Variants in SYT1 observed in about 807,000 individuals in gnomAD.
SYT1 encodes synaptotagmin-1.
SYT1 carries 8 observed loss-of-function variants against 44.8 expected under a neutral mutation model. That is an observed-to-expected ratio of 0.18 (90% CI 0.10 to 0.32). SYT1 has a LOEUF of 0.32. Ranked by LOEUF, SYT1 falls within the 10% of genes least tolerant of loss-of-function variation. The pLI, the probability that SYT1 is intolerant of heterozygous loss-of-function variation, is 1.00. For synonymous variants in SYT1, 154 were observed against 188.8 expected (o/e 0.82, Z 1.51); for missense variants, 286 against 509.3 (o/e 0.56, Z 4.22).
At chr12:79,183,376 G>A (rs548821651) in intron 3 of SYT1, among the ~76,000 whole-genome samples, 1 of 152,128 alleles carries the variant, frequency 6.6e-6, no homozygotes. Flanking sequence ...TTCTCAACCA[G>A]GGATGATACT....
chr12:79,325,303 G>A (rs1881561116), intron 8 of SYT1, among the ~76,000 whole-genome samples: 1 of 152,134 alleles, frequency 6.6e-6, no homozygotes, highest in African/African-American at 2.4e-5. Flanking sequence ...TTTTAAATCA[G>A]TTTCAGAATG....
At chr12:79,064,914 C>CA (rs914587074) in intron 3 of SYT1, among the ~76,000 whole-genome samples, 4 of 108,600 alleles carry the variant, frequency 3.7e-5, no homozygotes, top group South Asian at 2.9e-4. Flanking sequence ...ACTCTTTAGA[C>CA]AAAAAAATAG....
chr12:79,051,674 T>C (rs1462063626), intron 3 of SYT1, among the ~76,000 whole-genome samples: 1 of 152,048 alleles, frequency 6.6e-6, no homozygotes, highest in African/African-American at 2.4e-5. Context: ...CCTTTTCTCA[T>C]CTGGGTAATG....
At chr12:79,353,466 G>T in intron 8 of SYT1, 36 bp from the exon 9 acceptor site, 1 of 1,452,504 alleles carries the variant, frequency 6.9e-7, no homozygotes, top group South Asian at 1.1e-5. Context: ...ACTTGTATTT[G>T]AAAAATTGCT....
In SYT1 at chr12:79,089,883, A is replaced by G. The variant is rs774018221; in HGVS notation, c.-18+42521A>G. On this transcript the variant is annotated intron_variant, in intron 3 of 10. Transcript: ENST00000261205. Reference sequence around the variant, plus strand: ...GTGCAGGTTCATTTATCTGTACCCTAATTCACTCAAAACTCAGAGGAAAAA... The same window carrying G: ...GTGCAGGTTCATTTATCTGTACCCTGATTCACTCAAAACTCAGAGGAAAAA... 1.2e-3 allele frequency among the ~76,000 whole-genome samples: 184 copies of G among 152,036 alleles called. 1 individual carries two copies. Among genetic ancestry groups the G allele is most frequent in the Non-Finnish European group, 3.7e-4 (25 of 67,984 alleles).
chr12:79,265,785 TATA>T (rs1466175111), intron 4 of SYT1, among the ~76,000 whole-genome samples: 4 of 152,120 alleles, frequency 2.6e-5, no homozygotes, highest in African/African-American at 9.7e-5. Flanking sequence ...TGAAAAAAAC[TATA>T]AATGAAAGAA....
intron 9 of SYT1, among the ~76,000 whole-genome samples, chr12:79,421,735 T>C (rs776102678): frequency 1.3e-5 from 2 of 151,286 alleles, no homozygotes; most frequent in Non-Finnish European, 3.0e-5. Context: ...TTGTTGGTGG[T>C]GGTGGGTGTT....
intron 9 of SYT1, among the ~76,000 whole-genome samples, chr12:79,435,343 C>A (rs1870026138): frequency 1.3e-5 from 2 of 152,090 alleles, no homozygotes; most frequent in African/African-American, 4.8e-5. Context: ...TTTTGTTTTC[C>A]TTTTAGTGGA....
chr12:79,278,851 G>C (rs562652845), intron 4 of SYT1, among the ~76,000 whole-genome samples: 4 of 151,784 alleles, frequency 2.6e-5, no homozygotes, highest in African/African-American at 7.2e-5. Flanking sequence ...GAAATGTAAA[G>C]TATTATTCAA....
intron 9 of SYT1, among the ~76,000 whole-genome samples, chr12:79,437,844 A>G (rs573297295): frequency 3.9e-5 from 6 of 152,292 alleles, no homozygotes; most frequent in Non-Finnish European, 7.3e-5. Flanking sequence ...GGTGCAGAGA[A>G]AAATCCTATC....
At chr12:78,864,348 T>G (rs1352355791), upstream of SYT1, 1 of 127,562 alleles carries the variant, frequency 7.8e-6, no homozygotes, top group Non-Finnish European at 1.7e-5. Flanking sequence ...AGGTTTTGAT[T>G]GAGAGTAAAA....
intron 8 of SYT1, among the ~76,000 whole-genome samples, chr12:79,340,148 T>A (rs1206243315): frequency 6.6e-6 from 1 of 152,208 alleles, no homozygotes; most frequent in Non-Finnish European, 1.5e-5. Flanking sequence ...GTCTTGGCAA[T>A]GCGGGCTCTT....
At chr12:79,364,637 T>C (rs1883466404) in intron 9 of SYT1, among the ~76,000 whole-genome samples, 1 of 152,208 alleles carries the variant, frequency 6.6e-6, no homozygotes, top group African/African-American at 2.4e-5. Flanking sequence ...ATTAAGCGCA[T>C]TTATTTTATA....
At chr12:79,443,200 C>G (rs1870526279) in intron 9 of SYT1, among the ~76,000 whole-genome samples, 1 of 152,092 alleles carries the variant, frequency 6.6e-6, no homozygotes, top group Admixed American at 6.5e-5. Context: ...CTTCTCTTTT[C>G]CTCGAACACT....
intron 3 of SYT1, among the ~76,000 whole-genome samples, chr12:79,132,468 A>C (rs897594254): frequency 6.6e-6 from 1 of 151,680 alleles, no homozygotes; most frequent in Non-Finnish European, 1.5e-5. Context: ...AAAAATGCAA[A>C]TGGCCAAGTA....
At chr12:78,889,003 G>C (rs1442567546) in intron 1 of SYT1, among the ~76,000 whole-genome samples, 2 of 151,754 alleles carry the variant, frequency 1.3e-5, no homozygotes, top group Non-Finnish European at 2.9e-5. Context: ...TCCGAAACCC[G>C]TATTCTTTCC....
In SYT1 at chr12:79,217,669, G is replaced by A. The variant is rs756404636; in HGVS notation, c.150G>A (p.Glu50=). 6 of 1,612,170 alleles carry A rather than the reference G, an allele frequency of 3.7e-6. No homozygotes were observed. The highest frequency in any genetic ancestry group is 5.1e-6 in the Non-Finnish European group (6 of 1,179,130). ...FSKLKEKFMN[E]LHKIPLPPWA... Reference sequence around the variant, plus strand: ...AGCTGAAGGAGAAGTTTATGAATGAGTTGCATAAAATTCCATGTGAGTATT... The same window carrying A: ...AGCTGAAGGAGAAGTTTATGAATGAATTGCATAAAATTCCATGTGAGTATT... Residue 50 remains glutamate (E), a synonymous_variant, in exon 4 of 11, where the codon GAG becomes GAA. Coordinates refer to ENST00000261205, the MANE Select transcript of SYT1 (RefSeq NM_005639.3).
At chr12:78,989,944 T>G (rs1869906846) in intron 2 of SYT1, among the ~76,000 whole-genome samples, 1 of 152,136 alleles carries the variant, frequency 6.6e-6, no homozygotes, top group Non-Finnish European at 1.5e-5. Context: ...AAACTCTATG[T>G]GGCTACTGGA....
chr12:79,247,018 A>G (rs546789954), intron 4 of SYT1, among the ~76,000 whole-genome samples: 15 of 152,340 alleles, frequency 9.8e-5, no homozygotes, highest in African/African-American at 3.6e-4. Flanking sequence ...GTTGCTGAGA[A>G]GTCAAAGAAT....
Sources: gnomAD v4.1 joint callset for allele counts (sites outside exome capture counted in the v4.1 genomes callset) on GRCh38, gnomAD v4.1.1 for gene constraint, MANE v1.5 for transcripts, NCBI Gene and HGNC (gene_info 2026-07-23, HGNC 2026-07-21) for gene names.